FBN2: variants seen among roughly 807,000 people sequenced by gnomAD.
FBN2 encodes fibrillin 2.
FBN2 carries 105 observed loss-of-function variants against 355.6 expected under a neutral mutation model. The ratio of observed to expected loss-of-function variants is 0.30; its 90% CI spans 0.25 to 0.35. The LOEUF (loss-of-function observed/expected upper bound fraction) is 0.35. Ranked by LOEUF, FBN2 falls within the 10% of genes least tolerant of loss-of-function variation. FBN2 has a pLI of 1.00. For synonymous variants in FBN2, 1,350 were observed against 1,301.2 expected (o/e 1.04, Z -0.81); for missense variants, 3,280 against 3,758.7 (o/e 0.87, Z 3.33).
Position 128,301,508 on chromosome 5 carries a change from T to A in FBN2, c.5920A>T (p.Ile1974Leu). Residue 1974 changes from isoleucine (I) to leucine (L), a missense_variant and splice_region_variant, in exon 47 of 65, where the codon ATA becomes TTA. By Grantham distance (5) the Ile-to-Leu change is conservative. This residue lies in a region of FBN2 where 2,284 missense variants were observed against 2,749.5 expected (regional missense o/e 0.83). Transcript: ENST00000262464. ...ELTHNNDCLD[I>L]DECSSFFGQV... ...CCAAAAAAGGAACTGCACTCATCTATGTCTGTAAGCAAACAGGAGTATGTT... is the reference window on the plus strand; with the variant it reads ...CCAAAAAAGGAACTGCACTCATCTAAGTCTGTAAGCAAACAGGAGTATGTT... The A allele has an allele frequency of 6.2e-7, 1 of 1,613,172 alleles. No individual in the cohort carries two copies. The highest frequency in any genetic ancestry group is 8.5e-7 in the Non-Finnish European group (1 of 1,179,710).
intron 5 of FBN2, among the ~76,000 whole-genome samples, chr5:128,517,779 A>T (rs1756319772): frequency 6.6e-6 from 1 of 152,186 alleles, no homozygotes; most frequent in Non-Finnish European, 1.5e-5. Flanking sequence ...CTCTATATGT[A>T]TATAAACCTT....
chr5:128,491,183 T>A (rs1436211075), intron 5 of FBN2, among the ~76,000 whole-genome samples: 2 of 152,292 alleles, frequency 1.3e-5, no homozygotes, highest in African/African-American at 4.8e-5. Flanking sequence ...AAGTTACAAT[T>A]AAGAAAGAAC....
intron 7 of FBN2, among the ~76,000 whole-genome samples, chr5:128,428,579 T>C (rs1223129306): frequency 6.6e-6 from 1 of 152,200 alleles, no homozygotes; most frequent in Non-Finnish European, 1.5e-5. Context: ...AATAAGGCCA[T>C]GTCAGTGACT....
chr5:128,508,822 T>C (rs1756034898), intron 5 of FBN2, among the ~76,000 whole-genome samples: 1 of 152,058 alleles, frequency 6.6e-6, no homozygotes, highest in African/African-American at 2.4e-5. Flanking sequence ...AAAAGCTTTA[T>C]TTATTTTACT....
At position 128,446,585 on chromosome 5, in the gene FBN2, A is replaced by T; in HGVS notation, c.848T>A (p.Ile283Asn). 1 of 1,613,868 alleles carries T rather than the reference A, an allele frequency of 6.2e-7. No homozygotes were observed. The highest frequency in any genetic ancestry group is 1.1e-5 in the South Asian group (1 of 91,080). The change falls in exon 7 of 65, where the codon ATC (isoleucine) becomes AAC (asparagine). Residue 283 changes from isoleucine (I) to asparagine (N), a missense_variant. Coordinates refer to ENST00000262464, the MANE Select transcript of FBN2 (RefSeq NM_001999.4). Reference sequence around the variant, plus strand: ...GTTTCCTCCTTGGCATATCCCTGGGATAGCCTGGCATTCATCAACATCTGC... The same window carrying T: ...GTTTCCTCCTTGGCATATCCCTGGGTTAGCCTGGCATTCATCAACATCTGC... Reference protein sequence around the residue: ...ACQDVDECQAIPGICQGGNCI... With the variant: ...ACQDVDECQANPGICQGGNCI...
rs957294879 is a variant in FBN2 at position 128,434,424 on chromosome 5, ATG to A, written c.952+12055_952+12056del. ...TATATATATATATATATATATATAT[ATG>A]GGCAGTAAGTGACAGCACTGGCGAG... On this transcript the variant is annotated intron_variant, in intron 7 of 64. Coordinates refer to ENST00000262464, the MANE Select transcript of FBN2 (RefSeq NM_001999.4). Among the ~76,000 whole-genome samples the A allele has an allele frequency of 3.1e-5, 4 of 130,478 alleles. 1 individual carries two copies. Among genetic ancestry groups the A allele is most frequent in the African/African-American group, 1.3e-4 (4 of 31,136 alleles). The allele number at this position is 130,478 out of a possible 152,430, so 85.6% of individuals were successfully genotyped here.
rs1034915115 is a variant in FBN2 at position 128,345,709 on chromosome 5, G to A, written c.2990-125C>T. 7 of 821,894 alleles carry A rather than the reference G, an allele frequency of 8.5e-6. No individual in the cohort carries two copies. In the African/African-American group the frequency reaches 1.0e-4, roughly 12 times the overall value. The allele number at this position is 821,894 out of a possible 1,614,324, so 50.9% of individuals were successfully genotyped here. On this transcript the variant is annotated intron_variant, in intron 23 of 64. Transcript: ENST00000262464. ...CTTGCGGTGTACTGGTGGGCAAGAT[G>A]CAGTCCCTGACCTCCTGGAATGGAC... is the stretch of plus-strand genomic sequence containing the variant.
intron 64 of FBN2, among the ~76,000 whole-genome samples, chr5:128,261,271 A>T (rs1250343809): frequency 1.3e-5 from 2 of 152,214 alleles, no homozygotes; most frequent in African/African-American, 2.4e-5. Context: ...TAAAGAATAC[A>T]AGTGATTTGG....
chr5:128,408,710 C>T lies in FBN2; in HGVS notation c.1042G>A (p.Gly348Arg). The change falls in exon 8 of 65, where the codon GGA becomes AGA. Residue 348 changes from glycine to arginine, a missense_variant. This residue lies in a region of FBN2 where 343 missense variants were observed against 331.0 expected (regional missense o/e 1.04). Coordinates refer to ENST00000262464, the MANE Select transcript of FBN2 (RefSeq NM_001999.4). The part of the protein sequence containing the change: ...VGSYFCVCPR[G>R]YVTSTDGSRC... The stretch of plus-strand genomic sequence containing the variant: ...GAGCCATCTGTTGAGGTTACATATC[C>T]ACGTGGACAAACACAAAAATAGCTT... The T allele has an allele frequency of 6.2e-7, 1 of 1,613,998 alleles. No individual in the cohort carries two copies. Among genetic ancestry groups the T allele is most frequent in the South Asian group, 1.1e-5 (1 of 91,074 alleles).
chr5:128,288,656 T>C, intron 52 of FBN2, 99 bp from the exon 53 acceptor site: 2 of 1,366,526 alleles, frequency 1.5e-6, no homozygotes, highest in East Asian at 2.3e-5. Context: ...TTCCAGGATC[T>C]GAGAAGGGCA....
intron 5 of FBN2, among the ~76,000 whole-genome samples, chr5:128,502,167 T>TA (rs1392399820): frequency 6.7e-6 from 1 of 148,214 alleles, no homozygotes; most frequent in African/African-American, 2.5e-5. Flanking sequence ...TCTACAGAAA[T>TA]ATGGAAGGAA....
intron 8 of FBN2, among the ~76,000 whole-genome samples, chr5:128,406,352 T>C (rs1170000754): frequency 1.3e-5 from 2 of 152,214 alleles, no homozygotes; most frequent in Admixed American, 6.5e-5. Context: ...AAAACTAACA[T>C]GAAATTCTTT....
chr5:128,344,391 A>G lies in FBN2; in HGVS notation c.3337T>C (p.Cys1113Arg). The change falls in exon 25 of 65, where the codon TGC becomes CGC. Residue 1113 changes from cysteine (C) to arginine (R), a missense_variant. Cys to Arg is a radical substitution (Grantham distance 180). Transcript: ENST00000262464. ...GFALDMEERN[C>R]TDIDECRISP... The stretch of plus-strand genomic sequence containing the variant: ...AACAGCAGAACCATCTTACCCGTGC[A>G]GTTTCTTTCCTCCATGTCTAGAGCA... The G allele has an allele frequency of 6.2e-7, 1 of 1,614,146 alleles. No individual in the cohort carries two copies. The highest frequency in any genetic ancestry group is 8.5e-7 in the Non-Finnish European group (1 of 1,179,968).
chr5:128,339,234 CA>C, intron 25 of FBN2, 173 bp from the exon 26 acceptor site: 2 of 632,324 alleles, frequency 3.2e-6, no homozygotes, highest in Non-Finnish European at 5.6e-6. Flanking sequence ...TTCCTTTCCC[CA>C]ACTGCCAAAA....
chr5:128,305,705 A>C (rs1043026110), intron 43 of FBN2, 69 bp from the exon 44 acceptor site: 2 of 1,601,978 alleles, frequency 1.2e-6, no homozygotes, highest in Admixed American at 3.3e-5. Flanking sequence ...TTCACGTCAC[A>C]CTTTGATGAT....
At chr5:128,285,360 A>C (rs191715042) in intron 55 of FBN2, among the ~76,000 whole-genome samples, 77 of 152,318 alleles carry the variant, frequency 5.1e-4, no homozygotes, top group Non-Finnish European at 9.6e-4. Flanking sequence ...GTTTGCATGA[A>C]AGTGTTCTAC....
At chr5:128,463,386 C>G (rs1317141240) in intron 6 of FBN2, among the ~76,000 whole-genome samples, 1 of 152,064 alleles carries the variant, frequency 6.6e-6, no homozygotes, top group Non-Finnish European at 1.5e-5. Flanking sequence ...AAGGCCTGAG[C>G]TGTGTTCATC....
At chr5:128,514,911 T>C (rs1394243977) in intron 5 of FBN2, among the ~76,000 whole-genome samples, 1 of 152,230 alleles carries the variant, frequency 6.6e-6, no homozygotes, top group Non-Finnish European at 1.5e-5. Context: ...CTTGAAAGTA[T>C]CAAATTCACT....
chr5:128,272,726 C>T (rs1054358852), intron 61 of FBN2, among the ~76,000 whole-genome samples: 70 of 151,414 alleles, frequency 4.6e-4, no homozygotes, highest in African/African-American at 1.7e-3. Flanking sequence ...TTTATGTATG[C>T]TTTTTTGGAA....
Sources: gnomAD v4.1 joint callset for allele counts (sites outside exome capture counted in the v4.1 genomes callset) on GRCh38, gnomAD v4.1.1 for gene constraint, gnomAD v4.1.1 regional missense constraint, MANE v1.5 for transcripts, NCBI Gene and HGNC (gene_info 2026-07-23, HGNC 2026-07-21) for gene names.